The following CTNND2 variants were observed in gnomAD, a reference collection of about 807,000 sequenced individuals.
The protein encoded by CTNND2 is catenin delta-2.
In CTNND2, 22 loss-of-function variants were observed where a neutral mutation model predicts 144.4. That is an observed-to-expected ratio of 0.15 (90% confidence interval 0.11 to 0.22). The LOEUF (loss-of-function observed/expected upper bound fraction) is 0.22. Ranked by LOEUF, CTNND2 falls within the 10% of genes least tolerant of loss-of-function variation. The pLI, the probability that CTNND2 is intolerant of heterozygous loss-of-function variation, is 1.00. For missense variants in CTNND2, 1,353 were observed against 1,618.8 expected, an observed-to-expected ratio of 0.84 and a Z score of 2.82; for synonymous variants, 751 against 695.6, an observed-to-expected ratio of 1.08 and a Z score of -1.25.
rs188070982 is a variant in CTNND2, at chr5:11,727,002, G to C, written c.174+5134C>G. ...AAGAGAGCATCAGGAAGCAGGGGTG[G>C]AGAGACAGAGATGATCTATCCAGAG... On this transcript the variant is annotated intron_variant, in intron 2 of 21. Coordinates refer to ENST00000304623, the MANE Select transcript of CTNND2 (RefSeq NM_001332.4). Among the ~76,000 whole-genome samples, 6 of 152,244 alleles carry C rather than the reference G, an allele frequency of 3.9e-5. No individual in the cohort carries two copies. The East Asian group carries it at 1.2e-3, about 29-fold the overall frequency.
chr5:11,411,398 A>G, intron 5 of CTNND2, 138 bp downstream of exon 5: 1 of 617,874 alleles, frequency 1.6e-6, no homozygotes, highest in South Asian at 2.1e-5. Flanking sequence ...GATGGGACGG[A>G]GTGAAATGGA....
intron 2 of CTNND2, among the ~76,000 whole-genome samples, chr5:11,684,023 C>A (rs954016094): frequency 6.6e-6 from 1 of 152,188 alleles, no homozygotes; most frequent in African/African-American, 2.4e-5. Flanking sequence ...TAATAATATA[C>A]CATTATGATG....
chr5:11,274,328 G>A (rs187347538), intron 9 of CTNND2, among the ~76,000 whole-genome samples: 2 of 152,270 alleles, frequency 1.3e-5, no homozygotes, highest in Non-Finnish European at 2.9e-5. Flanking sequence ...ACTGCTTTGG[G>A]TGCTGATGAA....
chr5:11,485,220 G>T (rs1768683318), intron 3 of CTNND2, among the ~76,000 whole-genome samples: 1 of 152,124 alleles, frequency 6.6e-6, no homozygotes, highest in Admixed American at 6.5e-5. Flanking sequence ...ATGTAGAATT[G>T]TTATTGGAAG....
intron 2 of CTNND2, among the ~76,000 whole-genome samples, chr5:11,653,148 C>T (rs1396188755): frequency 6.6e-6 from 1 of 151,120 alleles, no homozygotes; most frequent in African/African-American, 2.4e-5. Flanking sequence ...CATCCACTGA[C>T]AGACATTTAG....
intron 6 of CTNND2, 123 bp from the exon 7 acceptor site, chr5:11,385,352 C>A (rs1758975585): frequency 5.3e-6 from 3 of 571,246 alleles, no homozygotes; most frequent in Non-Finnish European, 6.7e-6. Context: ...GGCGGCTCTG[C>A]GATCCCAGCT....
intron 1 of CTNND2, among the ~76,000 whole-genome samples, chr5:11,852,039 AC>A (rs1311843517): frequency 6.6e-6 from 1 of 152,102 alleles, no homozygotes; most frequent in Non-Finnish European, 1.5e-5. Flanking sequence ...CAATTAACTT[AC>A]GTCTCTTAAC....
In CTNND2 at chr5:11,332,231, C is replaced by T. The variant is rs552795213; in HGVS notation, c.1628+14141G>A. Among the ~76,000 whole-genome samples, 8 of 149,624 alleles carry T rather than the reference C, an allele frequency of 5.3e-5. 1 individual carries two copies. In the South Asian group the frequency reaches 8.5e-4, roughly 16 times the overall value. On this transcript the variant is annotated intron_variant, in intron 9 of 21. Coordinates refer to ENST00000304623, the MANE Select transcript of CTNND2 (RefSeq NM_001332.4). ...CGGAGGTTTCGGTGAGTGGAGATCG[C>T]GCCATTGCACTCCACCCTGGGCAAC...
rs7721032 is a variant in CTNND2 at position 11,612,789 on chromosome 5, A to G, written c.175-47733T>C. On this transcript the variant is annotated intron_variant, in intron 2 of 21. Transcript: ENST00000304623. ...GGAGTGCATGCTCGTAGTCCCATCA[A>G]CTTGGGAGGTTAAGGCGGGAGGATC... Among the ~76,000 whole-genome samples, 1,447 of 152,158 alleles carry G rather than the reference A, an allele frequency of 9.5e-3. 15 individuals carry two copies. The highest frequency in any genetic ancestry group is 0.03 in the African/African-American group (1,235 of 41,516).
At chr5:11,560,051 G>T (rs1776563577) in intron 3 of CTNND2, among the ~76,000 whole-genome samples, 1 of 152,134 alleles carries the variant, frequency 6.6e-6, no homozygotes, top group Admixed American at 6.5e-5. Flanking sequence ...TTCCTGCCTT[G>T]CTCTGCTGTG....
In CTNND2 at chr5:11,096,145, T is replaced by A. The variant is rs572729829; in HGVS notation, c.2637+2430A>T. Reference sequence around the variant, plus strand: ...AATCTGCTGTTAATCCCATTCCACATAATTTTTGTTCAGGCATTATATTAT... The same window carrying A: ...AATCTGCTGTTAATCCCATTCCACAAAATTTTTGTTCAGGCATTATATTAT... On this transcript the variant is annotated intron_variant, in intron 15 of 21. Coordinates refer to ENST00000304623, the MANE Select transcript of CTNND2 (RefSeq NM_001332.4). 3.3e-5 allele frequency among the ~76,000 whole-genome samples: 5 copies of A among 152,302 alleles called. No individual in the cohort carries two copies. The South Asian group carries it at 1.0e-3, about 32-fold the overall frequency.
chr5:11,598,214 T>C (rs528968093), intron 2 of CTNND2, among the ~76,000 whole-genome samples: 9 of 152,202 alleles, frequency 5.9e-5, no homozygotes, highest in African/African-American at 1.7e-4. Flanking sequence ...TAATCATTTA[T>C]AGTTTTAAGT....
chr5:11,573,976 G>A, intron 2 of CTNND2, among the ~76,000 whole-genome samples: 1 of 152,058 alleles, frequency 6.6e-6, no homozygotes, highest in East Asian at 1.9e-4. Flanking sequence ...CTTGGTATTT[G>A]AAGATGATGT....
chr5:11,105,066 G>C (rs112855325), intron 14 of CTNND2, among the ~76,000 whole-genome samples: 21 of 152,314 alleles, frequency 1.4e-4, no homozygotes, highest in Middle Eastern at 3.4e-3. Context: ...AGCTGTCAAG[G>C]CTGCTCCATA....
intron 9 of CTNND2, among the ~76,000 whole-genome samples, chr5:11,237,299 G>T (rs908015596): frequency 6.6e-6 from 1 of 152,122 alleles, no homozygotes; most frequent in African/African-American, 2.4e-5. Flanking sequence ...GATTACAGGC[G>T]TGAGCCAGCG....
intron 3 of CTNND2, among the ~76,000 whole-genome samples, chr5:11,431,480 C>T (rs1763281791): frequency 6.6e-6 from 1 of 152,212 alleles, no homozygotes; most frequent in South Asian, 2.1e-4. Context: ...AAGTGATGCT[C>T]TGAAGCTTTC....
At chr5:11,674,929 T>C (rs1482441585) in intron 2 of CTNND2, among the ~76,000 whole-genome samples, 1 of 152,168 alleles carries the variant, frequency 6.6e-6, no homozygotes, top group Non-Finnish European at 1.5e-5. Flanking sequence ...GGTTTCACCA[T>C]GCTGGCCGGG....
At chr5:11,426,436 A>C (rs1477557514) in intron 3 of CTNND2, among the ~76,000 whole-genome samples, 1 of 152,202 alleles carries the variant, frequency 6.6e-6, no homozygotes, top group Non-Finnish European at 1.5e-5. Flanking sequence ...TGCCCTCTTA[A>C]AACTCTGGAC....
intron 1 of CTNND2, among the ~76,000 whole-genome samples, chr5:11,848,043 C>A (rs536844026): frequency 1.3e-5 from 2 of 151,996 alleles, no homozygotes; most frequent in Admixed American, 1.3e-4. Flanking sequence ...ATCCTAAATT[C>A]CTATAGTAAC....
Sources: allele counts gnomAD v4.1 joint callset (sites outside exome capture counted in the v4.1 genomes callset), GRCh38; gene constraint gnomAD v4.1.1; transcripts MANE v1.5; gene names NCBI Gene and HGNC (gene_info 2026-07-23, HGNC 2026-07-21).